Variants in TBCK observed in about 807,000 individuals in gnomAD.
TBCK encodes TBC1 domain containing kinase, also known as TBC domain-containing protein kinase-like protein.
A neutral mutation model predicts 113.4 loss-of-function variants in TBCK; 99 were observed. The ratio of observed to expected loss-of-function variants is 0.87; its 90% CI spans 0.74 to 1.03. TBCK has a LOEUF of 1.03. Ranked by LOEUF, TBCK falls within the 50% of genes least tolerant of loss-of-function variation. The pLI, the probability that TBCK is intolerant of heterozygous loss-of-function variation, is 0.00. For synonymous variants in TBCK, 369 were observed against 370.8 expected (o/e 1.00, Z 0.05); for missense variants, 1,045 against 1,061.3 (o/e 0.98, Z 0.21).
At chr4:106,263,098 T>G (rs1179618462) in intron 3 of TBCK, among the ~76,000 whole-genome samples, 3 of 151,940 alleles carry the variant, frequency 2.0e-5, no homozygotes, top group African/African-American at 7.2e-5. Context: ...CTTTATTAAT[T>G]ATCCTCTAAT....
chr4:106,205,087 T>G (rs1226238035), intron 20 of TBCK, among the ~76,000 whole-genome samples: 1 of 152,182 alleles, frequency 6.6e-6, no homozygotes, highest in Admixed American at 6.5e-5. Flanking sequence ...TTTTTAAATG[T>G]ACAAAGTGAA....
intron 24 of TBCK, among the ~76,000 whole-genome samples, chr4:106,096,046 A>C (rs1740863381): frequency 6.6e-6 from 1 of 152,162 alleles, no homozygotes; most frequent in Admixed American, 6.5e-5. Context: ...TGACATTAAT[A>C]ATGAGAGAAA....
rs760000778 is a variant in TBCK at position 106,043,605 on chromosome 4, A to T, written c.*2965T>A. On this transcript the variant is annotated 3_prime_UTR_variant, in exon 26 of 26. Transcript: ENST00000394708. The stretch of plus-strand genomic sequence containing the variant: ...AAAATGATGTAATAAATCTATTATT[A>T]GTAAATTATGAATGGAATGCTTTAG... 6.6e-6 allele frequency: 1 copy of T among 152,206 alleles called. No homozygotes were observed. Among genetic ancestry groups the T allele is most frequent in the African/African-American group, 2.4e-5 (1 of 41,450 alleles). 9.4% of individuals were successfully genotyped at this position (152,206 alleles called of 1,614,324 possible).
chr4:106,157,672 G>A (rs1212725678), intron 23 of TBCK, among the ~76,000 whole-genome samples: 1 of 152,064 alleles, frequency 6.6e-6, no homozygotes, highest in Non-Finnish European at 1.5e-5. Context: ...TGGGGGGTGG[G>A]CAAGGGGTGG....
chr4:106,061,438 CTTT>C (rs34326247), intron 25 of TBCK, among the ~76,000 whole-genome samples: 2 of 142,028 alleles, frequency 1.4e-5, no homozygotes, highest in African/African-American at 2.6e-5. Flanking sequence ...TGTTAGCATA[CTTT>C]TTTTTTTTTT....
intron 2 of TBCK, 128 bp downstream of exon 2, chr4:106,308,640 G>T: frequency 1.2e-6 from 1 of 823,896 alleles, no homozygotes; most frequent in Non-Finnish European, 1.8e-6. Context: ...GGGGGAAAAG[G>T]ATGAGAGAAA....
At chr4:106,086,783 CA>C (rs1267666792) in intron 25 of TBCK, among the ~76,000 whole-genome samples, 11 of 152,168 alleles carry the variant, frequency 7.2e-5, no homozygotes. Context: ...TCAACAGATG[CA>C]AATCGATAAA....
intron 20 of TBCK, among the ~76,000 whole-genome samples, chr4:106,212,036 A>T (rs1052012242): frequency 3.3e-5 from 5 of 152,192 alleles, no homozygotes; most frequent in South Asian, 2.1e-4. Flanking sequence ...TGTTAAAAAA[A>T]ATTTTTTAAT....
chr4:106,214,032 G>C (rs1756527080), intron 19 of TBCK, among the ~76,000 whole-genome samples: 1 of 152,194 alleles, frequency 6.6e-6, no homozygotes, highest in African/African-American at 2.4e-5. Flanking sequence ...AGAACCAGCA[G>C]ACTGCCCCCT....
At chr4:106,090,982 G>A (rs1215917762) in intron 25 of TBCK, among the ~76,000 whole-genome samples, 15 of 152,228 alleles carry the variant, frequency 9.9e-5, no homozygotes, top group African/African-American at 3.6e-4. Flanking sequence ...CTATTACCCA[G>A]TTCCAAAGCT....
At chr4:106,082,853 T>C (rs1476334681) in intron 25 of TBCK, among the ~76,000 whole-genome samples, 1 of 152,174 alleles carries the variant, frequency 6.6e-6, no homozygotes, top group African/African-American at 2.4e-5. Flanking sequence ...CCACCTGTGA[T>C]CCACACAGGG....
intron 2 of TBCK, among the ~76,000 whole-genome samples, chr4:106,300,053 G>C (rs1270403963): frequency 6.6e-6 from 1 of 152,132 alleles, no homozygotes; most frequent in African/African-American, 2.4e-5. Flanking sequence ...TTCCCATGCT[G>C]TTCTTGTGAT....
chr4:106,169,376 A>G (rs28473478), intron 23 of TBCK, among the ~76,000 whole-genome samples: 116,726 of 151,904 alleles, frequency 0.77, 45,730 homozygotes, highest in African/African-American at 0.94. Flanking sequence ...TAGAGAGTTC[A>G]GAAATCAACC....
intron 2 of TBCK, among the ~76,000 whole-genome samples, chr4:106,298,049 C>T (rs1766499245): frequency 6.6e-6 from 1 of 152,106 alleles, no homozygotes; most frequent in Admixed American, 6.5e-5. Context: ...TTCTCTCATC[C>T]CCCCAACATC....
At chr4:106,240,218 C>A (rs1759935806) in intron 12 of TBCK, among the ~76,000 whole-genome samples, 2 of 151,982 alleles carry the variant, frequency 1.3e-5, no homozygotes, top group South Asian at 4.1e-4. Flanking sequence ...GAATAGAAGA[C>A]CTCTATAACT....
intron 1 of TBCK, among the ~76,000 whole-genome samples, chr4:106,315,113 C>T (rs1768650144): frequency 6.6e-6 from 1 of 151,954 alleles, no homozygotes; most frequent in Non-Finnish European, 1.5e-5. Flanking sequence ...ACTTACACCT[C>T]GTGAGTGGAA....
At chr4:106,204,201 A>C (rs10026011) in intron 20 of TBCK, among the ~76,000 whole-genome samples, 9,721 of 152,282 alleles carry the variant, frequency 0.064, 365 homozygotes, top group Non-Finnish European at 0.082. Context: ...ATTTATTATA[A>C]TCTACATCAA....
chr4:106,126,778 T>C (rs947606429), intron 23 of TBCK, among the ~76,000 whole-genome samples: 17 of 152,306 alleles, frequency 1.1e-4, no homozygotes, highest in African/African-American at 3.6e-4. Flanking sequence ...CTGAGCACCA[T>C]GATGGTTAAT....
At chr4:106,067,445 C>T (rs1010827692) in intron 25 of TBCK, among the ~76,000 whole-genome samples, 4 of 151,994 alleles carry the variant, frequency 2.6e-5, no homozygotes, top group African/African-American at 4.8e-5. Flanking sequence ...TATTTTCTCC[C>T]ATTTTATGGG....
Sources: allele counts gnomAD v4.1 joint callset (sites outside exome capture counted in the v4.1 genomes callset), GRCh38; gene constraint gnomAD v4.1.1; transcripts MANE v1.5; gene names NCBI Gene and HGNC (gene_info 2026-07-23, HGNC 2026-07-21).